The following BCOR variants were observed in gnomAD, a reference collection of about 807,000 sequenced individuals.
BCOR encodes the protein BCL6 corepressor, also known as BCL-6 corepressor.
A neutral mutation model predicts 86.7 loss-of-function variants in BCOR; 10 were observed. The ratio of observed to expected loss-of-function variants is 0.12; its 90% CI spans 0.07 to 0.20. The LOEUF (loss-of-function observed/expected upper bound fraction) is 0.20, where lower values mean the gene tolerates loss of function less well. Among genes scored for constraint, BCOR ranks in the 10% least tolerant of loss-of-function variants. The pLI, the probability that BCOR is intolerant of heterozygous loss-of-function variation, is 1.00. For missense variants in BCOR, 1,259 were observed against 1,452.1 expected, an observed-to-expected ratio of 0.87 and a Z score of 2.16; for synonymous variants, 611 against 609.0, an observed-to-expected ratio of 1.00 and a Z score of -0.05.
At chrX:40,055,090 G>A (rs1414061567) in intron 12 of BCOR, among the ~76,000 whole-genome samples, 1 of 112,173 alleles carries the variant, frequency 8.9e-6, no homozygotes, top group African/African-American at 3.2e-5. Context: ...ATTTTTCCCA[G>A]ACTCAAGATG....
chrX:40,131,151 C>T (rs918485090), intron 1 of BCOR, among the ~76,000 whole-genome samples: 5 of 112,050 alleles, frequency 4.5e-5, no homozygotes, highest in African/African-American at 9.7e-5. Flanking sequence ...GTTGTCTGAC[C>T]TGAAAACACT....
At chrX:40,125,930 G>A (rs1233010724) in intron 1 of BCOR, among the ~76,000 whole-genome samples, 4 of 111,364 alleles carry the variant, frequency 3.6e-5, no homozygotes, top group African/African-American at 9.8e-5. Context: ...TCTGGGAGTC[G>A]GCCAGGCGCG....
chrX:40,055,523 G>C lies in BCOR; in HGVS notation c.4596-10C>G. The stretch of plus-strand genomic sequence containing the variant: ...AGCATCGTGCAGAGGCCTAGGAAGA[G>C]AGGCGCAATAGAATTATGCTCATGC... On this transcript the variant is annotated splice_polypyrimidine_tract_variant and intron_variant, in intron 11 of 14. Transcript: ENST00000378444. The C allele has an allele frequency of 1.7e-6, 2 of 1,211,117 alleles. No homozygotes were observed. Among genetic ancestry groups the C allele is most frequent in the South Asian group, 1.8e-5 (1 of 56,933 alleles).
At chrX:40,147,937 C>T (rs1192814380) in intron 1 of BCOR, among the ~76,000 whole-genome samples, 1 of 111,839 alleles carries the variant, frequency 8.9e-6, no homozygotes, top group Non-Finnish European at 1.9e-5. Context: ...AATCCGGGCC[C>T]CTCTGGTTTC....
chrX:40,175,533 A>G (rs1351906968), intron 1 of BCOR, among the ~76,000 whole-genome samples: 1 of 113,524 alleles, frequency 8.8e-6, no homozygotes, highest in Non-Finnish European at 1.9e-5. Flanking sequence ...GTATCGACAC[A>G]GCATCTAATC....
At chrX:40,091,741 T>C (rs978113463) in intron 1 of BCOR, among the ~76,000 whole-genome samples, 2 of 112,852 alleles carry the variant, frequency 1.8e-5, no homozygotes, top group Non-Finnish European at 3.8e-5. Context: ...GGGAGACCAT[T>C]TACTCCCGCC....
chrX:40,091,694 C>A (rs1228040127), intron 1 of BCOR, among the ~76,000 whole-genome samples: 1 of 113,629 alleles, frequency 8.8e-6, no homozygotes, highest in African/African-American at 3.2e-5. Flanking sequence ...CAAGTGCGCG[C>A]GACGAACGCG....
At chrX:40,174,240 GTGCCAAGC>G (rs894248414) in intron 1 of BCOR, among the ~76,000 whole-genome samples, 2 of 112,476 alleles carry the variant, frequency 1.8e-5, no homozygotes, top group African/African-American at 6.5e-5. Context: ...GGAACTGTGC[GTGCCAAGC>G]TGCCAGCCCC....
intron 1 of BCOR, among the ~76,000 whole-genome samples, chrX:40,082,939 G>C (rs1212250330): frequency 9.0e-6 from 1 of 111,010 alleles, no homozygotes; most frequent in African/African-American, 3.3e-5. Flanking sequence ...GAGGGGATCA[G>C]AGCAGGGAGG....
At chrX:40,061,640 C>A (rs192047426) in intron 10 of BCOR, among the ~76,000 whole-genome samples, 28 of 103,022 alleles carry the variant, frequency 2.7e-4, no homozygotes, top group East Asian at 1.9e-3. Flanking sequence ...TGTACCCCCC[C>A]ACTCAGAAAG....
chrX:40,075,008 C>A lies in BCOR; in HGVS notation c.338G>T (p.Gly113Val). The part of the protein sequence containing the change: ...EAATSTLGGL[G>V]FSSERNPEMQ... ...CTCTGGATTTCTTTCCGAAGAAAAC[C>A]CAAGGCCACCTAGAGTGCTTGTGGC... is the stretch of plus-strand genomic sequence containing the variant. Residue 113 changes from glycine (G) to valine (V), a missense_variant, in exon 4 of 15, where the codon GGG (glycine) becomes GTG (valine). By Grantham distance (109) the Gly-to-Val change is moderately radical. Transcript: ENST00000378444. 8.3e-7 allele frequency: 1 copy of A among 1,208,288 alleles called. No individual in the cohort carries two copies. The highest frequency in any genetic ancestry group is 1.1e-6 in the Non-Finnish European group (1 of 893,665).
chrX:40,092,054 G>A (rs1328576864), intron 1 of BCOR, among the ~76,000 whole-genome samples: 1 of 112,540 alleles, frequency 8.9e-6, no homozygotes, highest in African/African-American at 3.2e-5. Flanking sequence ...AGCTCCTTTC[G>A]GCCTCGGGCC....
chrX:40,147,410 A>G (rs1938082717), intron 1 of BCOR, among the ~76,000 whole-genome samples: 1 of 112,723 alleles, frequency 8.9e-6, no homozygotes, highest in African/African-American at 3.2e-5. Flanking sequence ...TGGTGGAGCT[A>G]AACCAGAAAC....
chrX:40,143,347 A>C (rs1209639862), intron 1 of BCOR, among the ~76,000 whole-genome samples: 1 of 112,469 alleles, frequency 8.9e-6, no homozygotes, highest in Non-Finnish European at 1.9e-5. Flanking sequence ...GAAATTAGAA[A>C]GGTCTTTGAA....
chrX:40,159,013 A>C (rs1938358700), intron 1 of BCOR, among the ~76,000 whole-genome samples: 1 of 111,223 alleles, frequency 9.0e-6, no homozygotes, highest in Non-Finnish European at 1.9e-5. Context: ...TCTTGCAGTA[A>C]ATGGCCTGGG....
intron 1 of BCOR, among the ~76,000 whole-genome samples, chrX:40,162,928 A>G (rs1245566929): frequency 2.7e-5 from 3 of 111,829 alleles, no homozygotes; most frequent in African/African-American, 9.8e-5. Context: ...CAGGGGTTAG[A>G]GACAAGGATA....
intron 1 of BCOR, among the ~76,000 whole-genome samples, chrX:40,131,868 C>T (rs1160417284): frequency 1.8e-5 from 2 of 111,259 alleles, no homozygotes; most frequent in East Asian, 5.6e-4. Context: ...CATGAGATAC[C>T]GTGGTGGTTT....
chrX:40,103,142 G>C (rs1399039956), intron 1 of BCOR, among the ~76,000 whole-genome samples: 1 of 110,793 alleles, frequency 9.0e-6, no homozygotes, highest in African/African-American at 3.3e-5. Context: ...CGGCCTGACA[G>C]AACCTTCTGT....
intron 1 of BCOR, among the ~76,000 whole-genome samples, chrX:40,122,995 C>T (rs940800887): frequency 3.6e-5 from 4 of 111,137 alleles, no homozygotes; most frequent in Non-Finnish European, 7.5e-5. Context: ...ACATCAGAGC[C>T]GTTATCACAT....
Sources: gnomAD v4.1 joint callset for allele counts (sites outside exome capture counted in the v4.1 genomes callset) on GRCh38, gnomAD v4.1.1 for gene constraint, MANE v1.5 for transcripts, NCBI Gene and HGNC (gene_info 2026-07-23, HGNC 2026-07-21) for gene names.